Variants in DPP6 observed in about 807,000 individuals in gnomAD.
DPP6 encodes dipeptidyl peptidase like 6.
A neutral mutation model predicts 122.6 loss-of-function variants in DPP6; 69 were observed. The observed-to-expected ratio is 0.56, with a 90% CI of 0.46 to 0.69. DPP6 has a LOEUF of 0.69. DPP6 is among the 30% of genes least tolerant of loss of function. The pLI is 0.00. For missense variants in DPP6, 928 were observed against 1,116.9 expected, an observed-to-expected ratio of 0.83 and a Z score of 2.41; for synonymous variants, 418 against 433.1, an observed-to-expected ratio of 0.97 and a Z score of 0.43.
At chr7:154,599,274 G>A (rs1439354347) in intron 5 of DPP6, among the ~76,000 whole-genome samples, 1 of 152,124 alleles carries the variant, frequency 6.6e-6, no homozygotes, top group African/African-American at 2.4e-5. Context: ...CCCCGCATAG[G>A]TCTAAGGACT....
intron 16 of DPP6, among the ~76,000 whole-genome samples, chr7:154,812,843 T>A (rs893572590): frequency 6.6e-6 from 1 of 152,202 alleles, no homozygotes; most frequent in African/African-American, 2.4e-5. Context: ...ACAGTGTATT[T>A]TGTCCAACAT....
chr7:154,102,821 A>G (rs1236522653), intron 1 of DPP6, among the ~76,000 whole-genome samples: 1 of 152,132 alleles, frequency 6.6e-6, no homozygotes, highest in Non-Finnish European at 1.5e-5. Context: ...TCCTCTCTTA[A>G]TGTGCATCAT....
chr7:154,094,456 C>T (rs1377014111), intron 1 of DPP6: 2 of 152,328 alleles, frequency 1.3e-5, no homozygotes, highest in South Asian at 2.1e-4. Flanking sequence ...TGTTTCTGCT[C>T]ATGTTATCTG....
Position 154,146,824 on chromosome 7 carries a change from G to C in DPP6, c.243+93761G>C, listed in dbSNP as rs113019451. Among the ~76,000 whole-genome samples, 3 of 147,908 alleles carry C rather than the reference G, an allele frequency of 2.0e-5. No individual in the cohort carries two copies. The East Asian group carries it at 5.9e-4, about 29-fold the overall frequency. On this transcript the variant is annotated intron_variant, in intron 1 of 25. Coordinates refer to ENST00000377770, the MANE Select transcript of DPP6 (RefSeq NM_130797.4). The stretch of plus-strand genomic sequence containing the variant: ...AGGGAGCAAGCCGCGCGGCTGCCAG[G>C]CAGGGCCCTGCTCCCCTGGGTGCAC...
chr7:154,724,657 C>T (rs1330970422), intron 7 of DPP6, among the ~76,000 whole-genome samples: 2 of 152,134 alleles, frequency 1.3e-5, no homozygotes, highest in Non-Finnish European at 2.9e-5. Context: ...TGGCTCCTGG[C>T]CTCCTGAGTA....
chr7:153,873,173 A>G, the DPP6 span, among the ~76,000 whole-genome samples: 224 of 152,306 alleles, frequency 1.5e-3, no homozygotes, highest in African/African-American at 4.7e-3. Context: ...GCTCTTTTTA[A>G]CAACCGGCTC....
At chr7:154,695,921 TC>T (rs1184947383) in intron 7 of DPP6, among the ~76,000 whole-genome samples, 1 of 152,002 alleles carries the variant, frequency 6.6e-6, no homozygotes, top group African/African-American at 2.4e-5. Context: ...CTGAGACACC[TC>T]CCCGAAAGCC....
At chr7:154,860,354 G>T (rs115129264) in intron 17 of DPP6, among the ~76,000 whole-genome samples, 162 of 152,308 alleles carry the variant, frequency 1.1e-3, no homozygotes, top group African/African-American at 3.8e-3. Context: ...GAGTTTGCCC[G>T]CCATCCTGCA....
At position 154,441,983 on chromosome 7, in the gene DPP6, C is replaced by T. The variant is rs565503896; in HGVS notation, c.244-4231C>T. ...AAATAAGTATGAGCAGCAGTGATGT[C>T]GCAAAGGACAGGATTGCCAACTATG... On this transcript the variant is annotated intron_variant, in intron 1 of 25. Coordinates refer to ENST00000377770, the MANE Select transcript of DPP6 (RefSeq NM_130797.4). Among the ~76,000 whole-genome samples, 7 of 152,300 alleles carry T rather than the reference C, an allele frequency of 4.6e-5. No individual in the cohort carries two copies. In the South Asian group the frequency reaches 1.2e-3, roughly 27 times the overall value.
chr7:154,796,281 T>G (rs1369442539), intron 12 of DPP6: 1 of 175,930 alleles, frequency 5.7e-6, no homozygotes, highest in Non-Finnish European at 1.2e-5. Flanking sequence ...GGTGGTTTTG[T>G]TGGTGTCTCA....
At chr7:154,010,591 G>A (rs1798113793) in intron 1 of DPP6, among the ~76,000 whole-genome samples, 1 of 152,214 alleles carries the variant, frequency 6.6e-6, no homozygotes, top group African/African-American at 2.4e-5. Flanking sequence ...TGTTCTCAGT[G>A]TCTACCTTTC....
chr7:154,591,835 A>C (rs1420914981), intron 5 of DPP6, among the ~76,000 whole-genome samples: 1 of 152,224 alleles, frequency 6.6e-6, no homozygotes, highest in African/African-American at 2.4e-5. Context: ...GCCTGCGAAT[A>C]GAATTTGAGG....
At chr7:154,449,931 G>T (rs1429880083) in intron 2 of DPP6, among the ~76,000 whole-genome samples, 1 of 151,866 alleles carries the variant, frequency 6.6e-6, no homozygotes, top group African/African-American at 2.4e-5. Flanking sequence ...TCACTTGAAC[G>T]TGGGATGGTG....
intron 7 of DPP6, among the ~76,000 whole-genome samples, chr7:154,682,325 G>T (rs1456190429): frequency 6.6e-6 from 1 of 152,246 alleles, no homozygotes; most frequent in African/African-American, 2.4e-5. Flanking sequence ...TCAACAAGGC[G>T]AAAGGACCTG....
chr7:153,800,033 AATAG>A, the DPP6 span, among the ~76,000 whole-genome samples: 2 of 152,182 alleles, frequency 1.3e-5, no homozygotes, highest in African/African-American at 2.4e-5. Flanking sequence ...AAAAACTAAA[AATAG>A]ATCTGTCATA....
chr7:153,987,152 T>G (rs1796886851), intron 1 of DPP6, among the ~76,000 whole-genome samples: 1 of 152,188 alleles, frequency 6.6e-6, no homozygotes, highest in Admixed American at 6.5e-5. Context: ...ACCCCTGAGT[T>G]TTATGGCATC....
chr7:154,441,774 C>G (rs1259524407), intron 1 of DPP6, among the ~76,000 whole-genome samples: 1 of 152,120 alleles, frequency 6.6e-6, no homozygotes, highest in Non-Finnish European at 1.5e-5. Context: ...CAATTATTAT[C>G]TTAATCTGGG....
At chr7:154,642,122 C>T (rs932853762) in intron 6 of DPP6, among the ~76,000 whole-genome samples, 8 of 152,098 alleles carry the variant, frequency 5.3e-5, no homozygotes, top group Admixed American at 6.6e-5. Context: ...ATATCTAGGT[C>T]GAGAATGTAC....
rs186199037 is a variant in DPP6 at position 154,253,947 on chromosome 7, G to A, written c.244-192267G>A. On this transcript the variant is annotated intron_variant, in intron 1 of 25. Coordinates refer to ENST00000377770, the MANE Select transcript of DPP6 (RefSeq NM_130797.4). ...AGAGGGAGAGCGAGAGAGAGCAAGC[G>A]CAAAGCAGGAGGTGCTGCAAACTTT... Among the ~76,000 whole-genome samples, 29 of 152,306 alleles carry A rather than the reference G, an allele frequency of 1.9e-4. 1 individual carries two copies. Among genetic ancestry groups the A allele is most frequent in the African/African-American group, 5.8e-4 (24 of 41,574 alleles).
Sources: gnomAD v4.1 joint callset for allele counts (sites outside exome capture counted in the v4.1 genomes callset) on GRCh38, gnomAD v4.1.1 for gene constraint, MANE v1.5 for transcripts, NCBI Gene and HGNC (gene_info 2026-07-23, HGNC 2026-07-21) for gene names.